The following PCDHGA7 variants were observed in gnomAD, a reference collection of about 807,000 sequenced individuals.
PCDHGA7 encodes protocadherin gamma subfamily A, 7.
A neutral mutation model predicts 58.3 loss-of-function variants in PCDHGA7; 44 were observed. The observed-to-expected ratio is 0.75, with a 90% CI of 0.59 to 0.97. PCDHGA7 has a LOEUF of 0.97. Among genes scored for constraint, PCDHGA7 ranks in the 50% least tolerant of loss-of-function variants. The probability of loss-of-function intolerance (pLI) is 0.00; values close to 1 mark genes in which losing one functional copy is unlikely to be tolerated. For synonymous variants in PCDHGA7, 516 were observed against 504.2 expected, an observed-to-expected ratio of 1.02 and a Z score of -0.31; for missense variants, 1,266 against 1,188.7, an observed-to-expected ratio of 1.06 and a Z score of -0.96.
At chr5:141,430,595 G>C (rs549786394) in intron 1 of PCDHGA7, 1 of 567,016 alleles carries the variant, frequency 1.8e-6, no homozygotes. Flanking sequence ...CCTTGCACGC[G>C]CCTGAAGCAC....
rs747811019 is a variant in PCDHGA7 at position 141,490,069 on chromosome 5, C to T, written c.2425-4738C>T. 6 of 1,614,150 alleles carry T rather than the reference C, an allele frequency of 3.7e-6. No homozygotes were observed. Among genetic ancestry groups the T allele is most frequent in the Non-Finnish European group, 5.1e-6 (6 of 1,180,044 alleles). ...TCCAGACGAGGGCACCAACGGCCAA[C>T]TAGACTATTCTTTTGGAGACCACAC... On this transcript the variant is annotated intron_variant, in intron 1 of 3. Transcript: ENST00000518325. This position sits in a 1 kb window ranked among gnomAD's most constrained non-coding sequence, Gnocchi z 5.4.
At chr5:141,509,777 G>A (rs1244876699) in intron 3 of PCDHGA7, among the ~76,000 whole-genome samples, 1 of 152,100 alleles carries the variant, frequency 6.6e-6, no homozygotes, top group Non-Finnish European at 1.5e-5. Flanking sequence ...TCTAGTCCCC[G>A]AGATCATCAT....
chr5:141,398,789 C>G (rs1400897772), intron 1 of PCDHGA7: 5 of 1,613,778 alleles, frequency 3.1e-6, no homozygotes, highest in Non-Finnish European at 4.2e-6. Context: ...GGACATCCAC[C>G]CCTAAGCGGC....
intron 1 of PCDHGA7, chr5:141,413,586 C>G (rs2095657085): frequency 2.5e-6 from 4 of 1,613,724 alleles, no homozygotes; most frequent in Admixed American, 1.7e-5. Context: ...CTCCAAAATT[C>G]CAAGCAGAAA....
chr5:141,422,296 A>C, intron 1 of PCDHGA7: 1 of 1,550,706 alleles, frequency 6.4e-7, no homozygotes, highest in South Asian at 1.3e-5. Context: ...TATTAATTCA[A>C]TTCTGGAAAA....
At chr5:141,454,870 C>T (rs2098805291) in intron 1 of PCDHGA7, among the ~76,000 whole-genome samples, 1 of 131,902 alleles carries the variant, frequency 7.6e-6, no homozygotes, top group Non-Finnish European at 1.5e-5. Context: ...TGCAGTGGCA[C>T]GATCTTGGCT....
chr5:141,430,826 C>T (rs993762069), intron 1 of PCDHGA7: 1 of 1,550,298 alleles, frequency 6.5e-7, no homozygotes, highest in Non-Finnish European at 8.7e-7. Context: ...CCTGGGGACT[C>T]TGTGGGAGAC....
At chr5:141,393,023 T>C (rs372159245) in intron 1 of PCDHGA7, 52 of 1,613,550 alleles carry the variant, frequency 3.2e-5, no homozygotes, top group Non-Finnish European at 4.3e-5. Flanking sequence ...TCTCCAGAGG[T>C]AGGACGCAGC....
chr5:141,460,669 TTATATATC>T (rs1176483278), intron 1 of PCDHGA7, among the ~76,000 whole-genome samples: 1 of 152,032 alleles, frequency 6.6e-6, no homozygotes, highest in African/African-American at 2.4e-5. Flanking sequence ...GTAAACACAG[TTATATATC>T]TATATATCCA....
chr5:141,403,762 T>G (rs1217388200), intron 1 of PCDHGA7: 1 of 1,613,854 alleles, frequency 6.2e-7, no homozygotes, highest in Non-Finnish European at 8.5e-7. Flanking sequence ...GCGACCTGGA[T>G]GAGGGAATCA....
chr5:141,398,691 T>C, intron 1 of PCDHGA7: 1 of 1,613,876 alleles, frequency 6.2e-7, no homozygotes, highest in Non-Finnish European at 8.5e-7. Flanking sequence ...AACAGGATGG[T>C]AGTAAATACC....
chr5:141,447,168 T>C (rs1027377060), intron 1 of PCDHGA7, among the ~76,000 whole-genome samples: 2 of 152,174 alleles, frequency 1.3e-5, no homozygotes, highest in Non-Finnish European at 2.9e-5. Context: ...AAGCGGGGTC[T>C]TGCTCTTGTC....
At position 141,404,691 on chromosome 5, in the gene PCDHGA7, G is replaced by A. The variant is rs200601931; in HGVS notation, c.2424+19368G>A. ...TCTACTGGTGTGGAGCTGGCACCCC[G>A]CTCTGCAGAGCCTGGCTACCTGGTG... is the stretch of plus-strand genomic sequence containing the variant. On this transcript the variant is annotated intron_variant, in intron 1 of 3. Transcript: ENST00000518325. 1.4e-5 allele frequency: 22 copies of A among 1,613,996 alleles called. No individual in the cohort carries two copies. The East Asian group carries it at 3.8e-4, about 28-fold the overall frequency.
Position 141,477,412 on chromosome 5 carries a change from C to T in PCDHGA7, c.2425-17395C>T. 6 of 1,614,168 alleles carry T rather than the reference C, an allele frequency of 3.7e-6. No individual in the cohort carries two copies. The highest frequency in any genetic ancestry group is 1.1e-5 in the South Asian group (1 of 91,082). On this transcript the variant is annotated intron_variant, in intron 1 of 3. Coordinates refer to ENST00000518325, the MANE Select transcript of PCDHGA7 (RefSeq NM_018920.4). This position sits in a 1 kb window ranked among gnomAD's most constrained non-coding sequence, Gnocchi z 4.9. ...ACCTCAGCATCACCGCCCGAGACGC[C>T]GGAACCCCTTCCCTCTCAGCCCTTA... is the stretch of plus-strand genomic sequence containing the variant.
rs1349189547 is a variant in PCDHGA7 at position 141,432,777 on chromosome 5, C to A, written c.2424+47454C>A. 1.2e-6 allele frequency: 2 copies of A among 1,614,154 alleles called. No individual in the cohort carries two copies. The highest frequency in any genetic ancestry group is 1.3e-5 in the African/African-American group (1 of 75,062). ...GCCGACAGCATCCCCCAAGTCCTGGCGGACCTCGGCAGCCTCGAGTCTCCA... is the reference window on the plus strand; with the variant it reads ...GCCGACAGCATCCCCCAAGTCCTGGAGGACCTCGGCAGCCTCGAGTCTCCA... On this transcript the variant is annotated intron_variant, in intron 1 of 3. Transcript: ENST00000518325. This position sits in a 1 kb window ranked among gnomAD's most constrained non-coding sequence, Gnocchi z 6.0.
At chr5:141,419,689 G>T in intron 1 of PCDHGA7, 1 of 1,613,000 alleles carries the variant, frequency 6.2e-7, no homozygotes, top group African/African-American at 1.3e-5. Context: ...ACGTGGTGCA[G>T]GCCAGTGAGC....
chr5:141,423,330 C>T (rs932335651), intron 1 of PCDHGA7: 2 of 1,614,174 alleles, frequency 1.2e-6, no homozygotes, highest in Non-Finnish European at 1.7e-6. Flanking sequence ...TGGCCGCAGT[C>T]TCCTGCATCT....
intron 1 of PCDHGA7, chr5:141,400,265 G>T (rs2093992954): frequency 6.2e-7 from 1 of 1,613,876 alleles, no homozygotes. Context: ...CGCCTGCGAC[G>T]CTCCTCCAGC....
chr5:141,496,284 G>A (rs1052943936), intron 2 of PCDHGA7, among the ~76,000 whole-genome samples: 6 of 152,210 alleles, frequency 3.9e-5, no homozygotes, highest in Admixed American at 1.3e-4. Context: ...CAGTTGGTCT[G>A]AGCAGAGTGG....
Sources: allele counts gnomAD v4.1 joint callset (sites outside exome capture counted in the v4.1 genomes callset), GRCh38; gene constraint gnomAD v4.1.1; non-coding constraint Gnocchi (gnomAD v3.1); transcripts MANE v1.5; gene names NCBI Gene and HGNC (gene_info 2026-07-23, HGNC 2026-07-21).